NPIPB2: variants seen among roughly 807,000 people sequenced by gnomAD.
NPIPB2 encodes the protein nuclear pore complex-interacting protein family member B2.
NPIPB2 carries 27 observed loss-of-function variants against 30.8 expected under a neutral mutation model. That is an observed-to-expected ratio of 0.88 (90% CI 0.65 to 1.21). The LOEUF (loss-of-function observed/expected upper bound fraction) is 1.21. Among genes scored for constraint, NPIPB2 ranks in the 50% most tolerant of loss-of-function variants. NPIPB2 has a pLI of 0.00. For synonymous variants in NPIPB2, 147 were observed against 162.0 expected (o/e 0.91, Z 0.70); for missense variants, 440 against 446.2 (o/e 0.99, Z 0.13).
At chr16:11,951,769 T>G (rs1198165457) in intron 1 of NPIPB2, among the ~76,000 whole-genome samples, 1 of 151,960 alleles carries the variant, frequency 6.6e-6, no homozygotes, top group African/African-American at 2.4e-5. Flanking sequence ...GGCTCACGCC[T>G]GTAATCCCAG....
chr16:11,970,925 C>G (rs2055231857), intron 1 of NPIPB2, among the ~76,000 whole-genome samples: 2 of 150,654 alleles, frequency 1.3e-5, no homozygotes, highest in African/African-American at 4.9e-5. Flanking sequence ...ATAATCTTGG[C>G]TCACTGCAGC....
intron 1 of NPIPB2, among the ~76,000 whole-genome samples, chr16:11,956,540 G>T (rs1216806085): frequency 6.6e-6 from 1 of 152,172 alleles, no homozygotes; most frequent in Admixed American, 6.6e-5. Flanking sequence ...GCTGGGCGTG[G>T]TGGCAGGCAC....
At chr16:11,957,851 G>C (rs117986803) in intron 1 of NPIPB2, among the ~76,000 whole-genome samples, 246 of 152,250 alleles carry the variant, frequency 1.6e-3, no homozygotes, top group Middle Eastern at 3.4e-3. Flanking sequence ...GTTTGGACTT[G>C]CCAGCTCCTA....
At chr16:11,958,946 T>C (rs1246081175) in intron 1 of NPIPB2, among the ~76,000 whole-genome samples, 4 of 152,150 alleles carry the variant, frequency 2.6e-5, no homozygotes, top group Non-Finnish European at 5.9e-5. Flanking sequence ...CCAGTGGATC[T>C]AGAAGTCAGG....
intron 1 of NPIPB2, among the ~76,000 whole-genome samples, chr16:11,971,598 A>C (rs1046947792): frequency 6.6e-6 from 1 of 151,982 alleles, no homozygotes; most frequent in Non-Finnish European, 1.5e-5. Flanking sequence ...AGGTTCAAGC[A>C]ATCCTCCAGC....
intron 2 of NPIPB2, among the ~76,000 whole-genome samples, chr16:11,934,226 TCACACACACACACACA>T (rs766087820): frequency 4.0e-4 from 49 of 121,830 alleles, no homozygotes; most frequent in African/African-American, 1.7e-3. Context: ...TGAGACTCTG[TCACACACACACACACA>T]CACACACACA....
chr16:11,958,730 G>C (rs1326475229), intron 1 of NPIPB2, among the ~76,000 whole-genome samples: 1 of 152,118 alleles, frequency 6.6e-6, no homozygotes, highest in Non-Finnish European at 1.5e-5. Context: ...AACAGAGTGA[G>C]ACCCTGTCTC....
At chr16:11,969,350 C>T (rs1195127688) in intron 1 of NPIPB2, among the ~76,000 whole-genome samples, 6 of 151,862 alleles carry the variant, frequency 4.0e-5, no homozygotes, top group African/African-American at 9.7e-5. Context: ...CTCTGCCTCC[C>T]GGGTTCAAGC....
In NPIPB2 at chr16:11,966,228, T is replaced by A. The variant is rs768545253; in HGVS notation, c.-584+10340A>T. On this transcript the variant is annotated intron_variant, in intron 1 of 5. Transcript: ENST00000538896. ...AATTCAGTGAAAGGAACGAATGCGA[T>A]TCTCTGGACCTGTTTGGGACTGAGC... 2.5e-6 allele frequency: 4 copies of A among 1,613,708 alleles called. No individual in the cohort carries two copies. The South Asian group carries it at 4.4e-5, about 18-fold the overall frequency.
At chr16:11,974,354 C>T (rs962330201) in intron 1 of NPIPB2, among the ~76,000 whole-genome samples, 1 of 151,914 alleles carries the variant, frequency 6.6e-6, no homozygotes, top group Non-Finnish European at 1.5e-5. Context: ...CTCTACTAAA[C>T]ACACAAAATA....
At chr16:11,953,270 C>A (rs1399099011) in intron 1 of NPIPB2, among the ~76,000 whole-genome samples, 1 of 151,956 alleles carries the variant, frequency 6.6e-6, no homozygotes, top group South Asian at 2.1e-4. Context: ...CTCAGCCTCA[C>A]AAGTAGCTGG....
At chr16:11,976,572 A>G (rs967664335) in exon 1 of NPIPB2, 7 of 360,382 alleles carry the variant, frequency 1.9e-5, no homozygotes, top group African/African-American at 6.4e-5. Flanking sequence ...GTTTACCCTG[A>G]GTCTCCAGCC....
intron 1 of NPIPB2, among the ~76,000 whole-genome samples, chr16:11,971,022 T>A (rs1234909283): frequency 6.6e-6 from 1 of 151,694 alleles, no homozygotes; most frequent in Non-Finnish European, 1.5e-5. Context: ...CTCGGCTAAT[T>A]TTTTTTATTC....
intron 4 of NPIPB2, among the ~76,000 whole-genome samples, chr16:11,932,601 C>A (rs1271287921): frequency 6.8e-6 from 1 of 146,812 alleles, no homozygotes; most frequent in South Asian, 2.3e-4. Context: ...TATGGTGAAA[C>A]CCCGCCTCTA....
intron 1 of NPIPB2, chr16:11,967,699 C>A (rs374377405): frequency 6.2e-7 from 1 of 1,614,152 alleles, no homozygotes; most frequent in Admixed American, 1.7e-5. Flanking sequence ...AAGAGCAAAC[C>A]GAAGGTCGAC....
chr16:11,946,074 A>G (rs1022347034), upstream of NPIPB2, among the ~76,000 whole-genome samples: 12 of 151,866 alleles, frequency 7.9e-5, no homozygotes, highest in African/African-American at 2.7e-4. Context: ...AGAAAGAAAG[A>G]AAGGAAGGAA....
chr16:11,964,191 A>G (rs1165041486), intron 1 of NPIPB2, among the ~76,000 whole-genome samples: 1 of 152,098 alleles, frequency 6.6e-6, no homozygotes, highest in African/African-American at 2.4e-5. Flanking sequence ...GTTAGCGGTG[A>G]TGACTTCTGG....
chr16:11,945,790 C>G (rs1385545003), upstream of NPIPB2, among the ~76,000 whole-genome samples: 3 of 152,192 alleles, frequency 2.0e-5, no homozygotes, highest in East Asian at 1.9e-4. Context: ...TCTCCTCCTT[C>G]TATTCAGCCC....
chr16:11,971,237 T>G (rs149859463), intron 1 of NPIPB2, among the ~76,000 whole-genome samples: 62 of 152,254 alleles, frequency 4.1e-4, no homozygotes, highest in African/African-American at 1.4e-3. Context: ...CTAAAACATG[T>G]GAAGAGATTT....
Sources: allele counts gnomAD v4.1 joint callset (sites outside exome capture counted in the v4.1 genomes callset), GRCh38; gene constraint gnomAD v4.1.1; transcripts MANE v1.5; gene names NCBI Gene and HGNC (gene_info 2026-07-23, HGNC 2026-07-21).